The following GALNT13 variants were observed in gnomAD, a reference collection of about 807,000 sequenced individuals.
GALNT13 encodes the protein UDP-GalNAc:polypeptide N-acetylgalactosaminyltransferase 13.
Under a neutral mutation model 64.2 loss-of-function variants are expected in GALNT13, and 28 were observed. The ratio of observed to expected loss-of-function variants is 0.44; its 90% CI spans 0.32 to 0.60. The LOEUF (loss-of-function observed/expected upper bound fraction) is 0.60, where lower values mean the gene tolerates loss of function less well. Ranked by LOEUF, GALNT13 falls within the 20% of genes least tolerant of loss-of-function variation. The pLI, the probability that GALNT13 is intolerant of heterozygous loss-of-function variation, is 0.05. For missense variants in GALNT13, 577 were observed against 669.8 expected (o/e 0.86, Z 1.53); for synonymous variants, 214 against 224.6 (o/e 0.95, Z 0.42).
At chr2:154,456,108 A>G (rs707089), downstream of GALNT13, among the ~76,000 whole-genome samples, 77,705 of 151,314 alleles carry the variant, frequency 0.51, 20,198 homozygotes, top group Admixed American at 0.64. Context: ...AAAATAGCAC[A>G]AGGGGGAAAA....
chr2:154,333,456 A>G (rs768167269), intron 9 of GALNT13, among the ~76,000 whole-genome samples: 2 of 152,068 alleles, frequency 1.3e-5, no homozygotes, highest in Non-Finnish European at 1.5e-5. Flanking sequence ...AGAAAGCTTT[A>G]TTCTTTGAAA....
chr2:153,672,397 C>G, the GALNT13 span, among the ~76,000 whole-genome samples: 196 of 152,292 alleles, frequency 1.3e-3, 1 homozygote, highest in African/African-American at 4.3e-3. Flanking sequence ...CATTAAGAAA[C>G]TCACTCAAAA....
At chr2:153,569,374 C>T in the GALNT13 span, among the ~76,000 whole-genome samples, 2 of 151,930 alleles carry the variant, frequency 1.3e-5, no homozygotes, top group East Asian at 3.9e-4. Context: ...AAATTATCTG[C>T]TCAGGCCTTT....
At chr2:153,566,348 GT>G in the GALNT13 span, among the ~76,000 whole-genome samples, 79 of 74,800 alleles carry the variant, frequency 1.1e-3, no homozygotes, top group Non-Finnish European at 1.5e-3. Context: ...TTCTAATCAC[GT>G]TTTTTTTTTT....
the GALNT13 span, among the ~76,000 whole-genome samples, chr2:153,591,056 G>A: frequency 1.3e-5 from 2 of 152,152 alleles, no homozygotes; most frequent in African/African-American, 4.8e-5. Context: ...ACAATCTTAT[G>A]TCTAGAATAA....
chr2:154,090,185 T>C (rs1701736779), intron 3 of GALNT13, among the ~76,000 whole-genome samples: 1 of 152,062 alleles, frequency 6.6e-6, no homozygotes, highest in Non-Finnish European at 1.5e-5. Context: ...GAATACTCCT[T>C]TGAAGAAATC....
the GALNT13 span, among the ~76,000 whole-genome samples, chr2:153,127,378 G>C: frequency 6.6e-6 from 1 of 152,058 alleles, no homozygotes; most frequent in Middle Eastern, 3.2e-3. Context: ...ATGTACCTCA[G>C]ATGAGTGCAA....
At chr2:154,174,867 T>C (rs1302001980) in intron 4 of GALNT13, among the ~76,000 whole-genome samples, 4 of 152,184 alleles carry the variant, frequency 2.6e-5, no homozygotes, top group East Asian at 1.9e-4. Context: ...ATTATAATAA[T>C]AAACATTTTC....
intron 4 of GALNT13, among the ~76,000 whole-genome samples, chr2:154,199,207 A>C (rs1687042558): frequency 6.6e-6 from 1 of 151,942 alleles, no homozygotes; most frequent in South Asian, 2.1e-4. Context: ...TCTGCTCTGA[A>C]TGTTTCTCTC....
chr2:154,306,235 G>A (rs1443212169), intron 9 of GALNT13, among the ~76,000 whole-genome samples: 1 of 151,934 alleles, frequency 6.6e-6, no homozygotes, highest in Non-Finnish European at 1.5e-5. Flanking sequence ...ACGTGCCATG[G>A]TGGTTTGCTG....
the GALNT13 span, among the ~76,000 whole-genome samples, chr2:153,187,193 T>C: frequency 6.6e-6 from 1 of 152,246 alleles, no homozygotes; most frequent in Non-Finnish European, 1.5e-5. Flanking sequence ...ATAGCCATCA[T>C]AGACAAACCC....
At chr2:153,344,867 G>A in the GALNT13 span, among the ~76,000 whole-genome samples, 1 of 152,140 alleles carries the variant, frequency 6.6e-6, no homozygotes, top group Non-Finnish European at 1.5e-5. Flanking sequence ...CACATTAAAT[G>A]TATACAATTT....
chr2:153,479,934 A>T, the GALNT13 span, among the ~76,000 whole-genome samples: 1 of 150,968 alleles, frequency 6.6e-6, no homozygotes, highest in Non-Finnish European at 1.5e-5. Flanking sequence ...TTTCCCCATT[A>T]CTCCCTGCCT....
At chr2:153,260,978 T>C in the GALNT13 span, among the ~76,000 whole-genome samples, 3 of 152,144 alleles carry the variant, frequency 2.0e-5, no homozygotes, top group Non-Finnish European at 2.9e-5. Context: ...TTAGTTCTGA[T>C]GTTAAGAGAC....
chr2:153,662,378 C>T, the GALNT13 span, among the ~76,000 whole-genome samples: 1 of 152,306 alleles, frequency 6.6e-6, no homozygotes, highest in South Asian at 2.1e-4. Context: ...ACAAAGCTTA[C>T]TTTCCAATAG....
the GALNT13 span, among the ~76,000 whole-genome samples, chr2:153,618,620 G>C: frequency 6.6e-6 from 1 of 151,878 alleles, no homozygotes; most frequent in African/African-American, 2.4e-5. Context: ...AAATTGGCAT[G>C]TTGAAGTCTT....
chr2:153,151,702 C>T, the GALNT13 span, among the ~76,000 whole-genome samples: 1 of 151,992 alleles, frequency 6.6e-6, no homozygotes, highest in Non-Finnish European at 1.5e-5. Flanking sequence ...AAGCTGGAAA[C>T]CATCATTCTC....
intron 9 of GALNT13, among the ~76,000 whole-genome samples, chr2:154,328,739 C>T (rs966773439): frequency 1.3e-5 from 2 of 152,052 alleles, no homozygotes; most frequent in African/African-American, 4.8e-5. Flanking sequence ...TAAAGTTGTG[C>T]CAACATTACA....
At chr2:154,245,398 T>G (rs1689727353) in intron 6 of GALNT13, among the ~76,000 whole-genome samples, 1 of 152,142 alleles carries the variant, frequency 6.6e-6, no homozygotes, top group African/African-American at 2.4e-5. Context: ...CGTACCCTAC[T>G]TGAAATGCAA....
Sources: gnomAD v4.1 joint callset for allele counts (sites outside exome capture counted in the v4.1 genomes callset) on GRCh38, gnomAD v4.1.1 for gene constraint, MANE v1.5 for transcripts, NCBI Gene and HGNC (gene_info 2026-07-23, HGNC 2026-07-21) for gene names.